The following XRCC1 variants were observed in gnomAD, a reference collection of about 807,000 sequenced individuals.
XRCC1 encodes X-ray repair cross complementing 1, also known as DNA repair protein XRCC1.
A neutral mutation model predicts 83.3 loss-of-function variants in XRCC1; 52 were observed. That is an observed-to-expected ratio of 0.62 (90% confidence interval 0.50 to 0.79). XRCC1 has a LOEUF of 0.79. Ranked by LOEUF, XRCC1 falls within the 30% of genes least tolerant of loss-of-function variation. The probability of loss-of-function intolerance (pLI) is 0.00; values close to 1 mark genes in which losing one functional copy is unlikely to be tolerated. For synonymous variants in XRCC1, 281 were observed against 312.6 expected, an observed-to-expected ratio of 0.90 and a Z score of 1.07; for missense variants, 793 against 823.5, an observed-to-expected ratio of 0.96 and a Z score of 0.45.
intron 6 of XRCC1, 69 bp downstream of exon 6, chr19:43,553,332 C>T (rs376945100): frequency 6.4e-7 from 1 of 1,552,420 alleles, no homozygotes. Context: ...CCCCAGCCCC[C>T]TCTACCCTCA....
At chr19:43,566,923 C>T (rs1972759174) in intron 2 of XRCC1, among the ~76,000 whole-genome samples, 1 of 150,568 alleles carries the variant, frequency 6.6e-6, no homozygotes, top group Non-Finnish European at 1.5e-5. Flanking sequence ...GGTAACAACC[C>T]AATAAATGTC....
chr19:43,548,766 CAAAAAAA>C (rs60740505), intron 10 of XRCC1, among the ~76,000 whole-genome samples: 6 of 64,594 alleles, frequency 9.3e-5, no homozygotes, highest in African/African-American at 1.8e-4. Context: ...CAAGAATGAT[CAAAAAAA>C]AAAAAAAAAA....
chr19:43,543,659 C>G lies in XRCC1; in HGVS notation c.1741G>C (p.Val581Leu). The G allele has an allele frequency of 2.5e-6, 4 of 1,613,936 alleles. No homozygotes were observed. Among genetic ancestry groups the G allele is most frequent in the Non-Finnish European group, 8.5e-7 (1 of 1,180,006 alleles). Reference protein sequence around the residue: ...GELEDYMSDRVQFVITAQEWD... With the variant: ...GELEDYMSDRLQFVITAQEWD... ...TCCTGTGCTGTGATCACAAACTGAA[C>G]CCGGTCACTCATATAGTCCTCGAGC... The change falls in exon 16 of 17, where the codon GTT (valine) becomes CTT (leucine). Residue 581 changes from valine to leucine, a missense_variant. Transcript: ENST00000262887.
At chr19:43,566,261 G>A (rs1031117061) in intron 2 of XRCC1, among the ~76,000 whole-genome samples, 1 of 149,934 alleles carries the variant, frequency 6.7e-6, no homozygotes, top group Middle Eastern at 3.6e-3. Flanking sequence ...GGCCAGGCAC[G>A]GTGGCTCAGG....
In XRCC1 at chr19:43,543,490, G is replaced by T. The variant is rs1214285376; in HGVS notation, c.1804C>A (p.Pro602Thr). ...CGGGGACGAACGAATGCCAGGGAGG[G>T]GTTGTCCATCAGGGCCTGCAGGGTG... is the stretch of plus-strand genomic sequence containing the variant. Reference protein sequence around the residue: ...PSFEEALMDNPSLAFVRPRWI... With the variant: ...PSFEEALMDNTSLAFVRPRWI... The change falls in exon 17 of 17, where the codon CCC (proline) becomes ACC (threonine). Residue 602 changes from proline to threonine, a missense_variant. Transcript: ENST00000262887. The T allele has an allele frequency of 4.3e-6, 7 of 1,613,784 alleles. No individual in the cohort carries two copies. Among genetic ancestry groups the T allele is most frequent in the Non-Finnish European group, 5.9e-6 (7 of 1,179,892 alleles).
At position 43,561,009 on chromosome 19, in the gene XRCC1, C is replaced by T; in HGVS notation, c.156G>A (p.Glu52=). The T allele has an allele frequency of 2.5e-6, 4 of 1,614,072 alleles. No homozygotes were observed. The highest frequency in any genetic ancestry group is 3.4e-6 in the Non-Finnish European group (4 of 1,179,894). ...TISVVLQLEK[E]EQIHSVDIGN... is the part of the protein sequence containing the mutation. ...CAATGTCCACACTGTGTATCTGCTC[C>T]TCCTTCTCCAACTGTGGGCAGAGAG... Residue 52 remains glutamate (E), a synonymous_variant, in exon 3 of 17, where the codon GAG becomes GAA. Transcript: ENST00000262887.
At chr19:43,554,515 C>A in intron 4 of XRCC1, 131 bp downstream of exon 4, 1 of 1,210,092 alleles carries the variant, frequency 8.3e-7, no homozygotes, top group East Asian at 2.6e-5. Context: ...AACGCAGGGA[C>A]CCAGCCTCCC....
At position 43,552,279 on chromosome 19, in the gene XRCC1, G is replaced by A. The variant is rs1229762584; in HGVS notation, c.824-4C>T. 2 of 1,588,492 alleles carry A rather than the reference G, an allele frequency of 1.3e-6. No individual in the cohort carries two copies. The highest frequency in any genetic ancestry group is 3.5e-5 in the Admixed American group (2 of 56,522). ...GGGGTACGAGTTGGAGCTGGCACTG[G>A]AGAAGACAAAGAGTAGATTAGGTTA... is the stretch of plus-strand genomic sequence containing the variant. On this transcript the variant is annotated splice_region_variant and splice_polypyrimidine_tract_variant and intron_variant, in intron 8 of 16. Coordinates refer to ENST00000262887, the MANE Select transcript of XRCC1 (RefSeq NM_006297.3).
intron 2 of XRCC1, among the ~76,000 whole-genome samples, chr19:43,568,381 C>T (rs3213283): frequency 0.16 from 24,423 of 151,780 alleles, 2,045 homozygotes; most frequent in Non-Finnish European, 0.19. Flanking sequence ...CCCGTAATCC[C>T]AGCTACTAGG....
intron 14 of XRCC1, among the ~76,000 whole-genome samples, chr19:43,544,843 G>A (rs1035454767): frequency 2.2e-5 from 3 of 135,178 alleles, no homozygotes; most frequent in Non-Finnish European, 3.2e-5. Context: ...GGCGGGGGTC[G>A]GGGGGGGTCT....
At chr19:43,546,471 T>A (rs1378801415) in intron 12 of XRCC1, 124 bp downstream of exon 12, 2 of 1,108,776 alleles carry the variant, frequency 1.8e-6, no homozygotes, top group Non-Finnish European at 2.5e-6. Context: ...CAGGCTCTCT[T>A]CCCTCAGACT....
intron 9 of XRCC1, 119 bp from the exon 10 acceptor site, chr19:43,551,806 G>A (rs1972578664): frequency 9.9e-7 from 1 of 1,013,698 alleles, no homozygotes; most frequent in African/African-American, 1.6e-5. Context: ...TCATGAGATT[G>A]AGGTGGGAGA....
At position 43,552,278 on chromosome 19, in the gene XRCC1, G is replaced by A. The variant is rs764061712; in HGVS notation, c.824-3C>T. 1 of 1,589,232 alleles carries A rather than the reference G, an allele frequency of 6.3e-7. No individual in the cohort carries two copies. The highest frequency in any genetic ancestry group is 1.1e-5 in the South Asian group (1 of 89,466). The stretch of plus-strand genomic sequence containing the variant: ...TGGGGTACGAGTTGGAGCTGGCACT[G>A]GAGAAGACAAAGAGTAGATTAGGTT... On this transcript the variant is annotated splice_region_variant and splice_polypyrimidine_tract_variant and intron_variant, in intron 8 of 16. Transcript: ENST00000262887.
intron 9 of XRCC1, 106 bp downstream of exon 9, chr19:43,551,911 A>C: frequency 7.7e-7 from 1 of 1,293,654 alleles, no homozygotes; most frequent in Admixed American, 1.8e-5. Flanking sequence ...AGTGAGAGAG[A>C]GAGAAAGCAT....
At chr19:43,548,782 A>AG (rs1181644943) in intron 10 of XRCC1, among the ~76,000 whole-genome samples, 1 of 150,630 alleles carries the variant, frequency 6.6e-6, no homozygotes, top group African/African-American at 2.4e-5. Context: ...AAAAAAAAAA[A>AG]AAAACACAAC....
At chr19:43,561,152 G>T in intron 2 of XRCC1, 132 bp from the exon 3 acceptor site, 1 of 730,370 alleles carries the variant, frequency 1.4e-6, no homozygotes, top group Non-Finnish European at 2.4e-6. Context: ...CACCAGGGTT[G>T]AATGGTGCCA....
At chr19:43,556,085 G>C (rs1972633095) in intron 3 of XRCC1, among the ~76,000 whole-genome samples, 1 of 151,986 alleles carries the variant, frequency 6.6e-6, no homozygotes, top group South Asian at 2.1e-4. Flanking sequence ...GCATGGTCTT[G>C]CTATGTTGCC....
chr19:43,546,904 C>T lies in XRCC1; in HGVS notation c.1273G>A (p.Ala425Thr). ...ASHSGGSGDE[A>T]PKLPQKQPQT... Reference sequence around the variant, plus strand: ...CAGACCTTCTGAGGAAGCTTGGGGGCTTCATCTCCGCTGCCACCGCTGTGA... The same window carrying T: ...CAGACCTTCTGAGGAAGCTTGGGGGTTTCATCTCCGCTGCCACCGCTGTGA... Residue 425 changes from alanine (A) to threonine (T), a missense_variant, in exon 11 of 17, where the codon GCC becomes ACC. By Grantham distance (58) the Ala-to-Thr change is moderately conservative. Transcript: ENST00000262887. The T allele has an allele frequency of 6.2e-7, 1 of 1,613,994 alleles. No homozygotes were observed. The highest frequency in any genetic ancestry group is 1.1e-5 in the South Asian group (1 of 91,082).
intron 2 of XRCC1, among the ~76,000 whole-genome samples, chr19:43,568,205 A>C (rs1197050707): frequency 6.6e-6 from 1 of 151,580 alleles, no homozygotes; most frequent in Non-Finnish European, 1.5e-5. Flanking sequence ...ATTTAAAAGA[A>C]TAAGGTAGGC....
Sources: allele counts gnomAD v4.1 joint callset (sites outside exome capture counted in the v4.1 genomes callset), GRCh38; gene constraint gnomAD v4.1.1; transcripts MANE v1.5; gene names NCBI Gene and HGNC (gene_info 2026-07-23, HGNC 2026-07-21).